The following RGS6 variants were observed in gnomAD, a reference collection of about 807,000 sequenced individuals.
The protein encoded by RGS6 is regulator of G protein signaling 6.
In RGS6, 30 loss-of-function variants were observed where a neutral mutation model predicts 78.5. That is an observed-to-expected ratio of 0.38 (90% CI 0.29 to 0.52). The LOEUF is 0.52. RGS6 is among the 20% of genes least tolerant of loss of function. The pLI is 0.85. For synonymous variants in RGS6, 206 were observed against 206.0 expected (o/e 1.00, Z 0.00); for missense variants, 495 against 609.7 (o/e 0.81, Z 1.98).
chr14:71,983,567 A>G (rs933218425), intron 2 of RGS6, among the ~76,000 whole-genome samples: 8 of 152,182 alleles, frequency 5.3e-5, no homozygotes, highest in Non-Finnish European at 8.8e-5. Context: ...TGCCTCTTCC[A>G]GGCTTTCTGT....
intron 3 of RGS6, among the ~76,000 whole-genome samples, chr14:72,361,083 C>CTTTTTTTTTTTTTT (rs56251149): frequency 7.2e-6 from 1 of 138,374 alleles, no homozygotes; most frequent in East Asian, 2.2e-4. Flanking sequence ...AATCAAACCT[C>CTTTTTTTTTTTTTT]TTTTTTTTTT....
At chr14:72,004,973 G>A (rs10047940) in intron 2 of RGS6, among the ~76,000 whole-genome samples, 3,170 of 152,296 alleles carry the variant, frequency 0.021, 126 homozygotes, top group African/African-American at 0.073. Flanking sequence ...CATAAAAAGC[G>A]AATGCCTTTT....
intron 2 of RGS6, among the ~76,000 whole-genome samples, chr14:72,104,269 G>A (rs2095587503): frequency 6.6e-6 from 1 of 152,034 alleles, no homozygotes; most frequent in Non-Finnish European, 1.5e-5. Context: ...TTTCCTCTCT[G>A]TCAAAACGAA....
chr14:71,907,997 G>A, the RGS6 span, among the ~76,000 whole-genome samples: 1 of 152,208 alleles, frequency 6.6e-6, no homozygotes, highest in African/African-American at 2.4e-5. Context: ...TCTTCAGGAT[G>A]AGCAGGCACT....
the RGS6 span, among the ~76,000 whole-genome samples, chr14:72,584,716 A>G: frequency 6.6e-6 from 1 of 152,246 alleles, no homozygotes; most frequent in African/African-American, 2.4e-5. Context: ...TGGGGAAGAC[A>G]GGGATTGACA....
At chr14:72,138,978 C>T (rs925691075) in intron 2 of RGS6, among the ~76,000 whole-genome samples, 5 of 152,286 alleles carry the variant, frequency 3.3e-5, no homozygotes, top group Admixed American at 3.3e-4. Flanking sequence ...AAGTCACCCC[C>T]ACCGACCCAC....
chr14:72,412,369 A>G (rs2093483493), intron 3 of RGS6, among the ~76,000 whole-genome samples: 1 of 152,134 alleles, frequency 6.6e-6, no homozygotes, highest in Admixed American at 6.5e-5. Flanking sequence ...CGTTTATAGT[A>G]TTCTCTGATG....
At chr14:72,024,881 TGTCCTATAGAAGGAG>T (rs558947962) in intron 2 of RGS6, among the ~76,000 whole-genome samples, 1 of 152,310 alleles carries the variant, frequency 6.6e-6, no homozygotes, top group East Asian at 1.9e-4. Context: ...TGTGAAGCAA[TGTCCTATAGAAGGAG>T]GACAGTTCAC....
At chr14:72,579,004 C>T in the RGS6 span, among the ~76,000 whole-genome samples, 1 of 152,268 alleles carries the variant, frequency 6.6e-6, no homozygotes, top group East Asian at 1.9e-4. Flanking sequence ...GAAAAAGTAT[C>T]AACCTGTGTA....
intron 13 of RGS6, among the ~76,000 whole-genome samples, chr14:72,501,704 G>C (rs576596906): frequency 1.3e-5 from 2 of 152,324 alleles, no homozygotes; most frequent in South Asian, 4.1e-4. Context: ...CTAGATGCTG[G>C]AGTCTAATGA....
chr14:72,013,323 T>TATAGTATTC (rs2086249093), intron 2 of RGS6, among the ~76,000 whole-genome samples: 1 of 140,716 alleles, frequency 7.1e-6, no homozygotes, highest in South Asian at 2.6e-4. Context: ...AAAGCATAGT[T>TATAGTATTC]ATAGTATTCA....
intron 2 of RGS6, among the ~76,000 whole-genome samples, chr14:72,059,126 C>T (rs2093765256): frequency 6.6e-6 from 1 of 152,284 alleles, no homozygotes; most frequent in East Asian, 1.9e-4. Flanking sequence ...TCTTGAACTC[C>T]TGATCTCAAG....
chr14:72,073,605 T>C (rs2094478815), intron 2 of RGS6, among the ~76,000 whole-genome samples: 1 of 152,140 alleles, frequency 6.6e-6, no homozygotes, highest in African/African-American at 2.4e-5. Flanking sequence ...TGGGACCACT[T>C]AGACATGCCA....
the RGS6 span, among the ~76,000 whole-genome samples, chr14:72,627,455 T>A: frequency 1.3e-5 from 2 of 152,098 alleles, no homozygotes; most frequent in Non-Finnish European, 2.9e-5. Flanking sequence ...TATACTGTAT[T>A]TCCATATGTA....
At chr14:72,560,905 G>A (rs1375993931) in intron 17 of RGS6, among the ~76,000 whole-genome samples, 4 of 151,688 alleles carry the variant, frequency 2.6e-5, no homozygotes, top group Non-Finnish European at 5.9e-5. Flanking sequence ...AAAGCAATGG[G>A]GAGGAAAAAG....
the RGS6 span, among the ~76,000 whole-genome samples, chr14:72,599,860 G>C: frequency 1.3e-5 from 2 of 152,062 alleles, 1 homozygote; most frequent in South Asian, 4.1e-4. Flanking sequence ...GCTCACACAG[G>C]CCTCGGGTTC....
At chr14:72,076,013 C>T (rs1277883690) in intron 2 of RGS6, among the ~76,000 whole-genome samples, 1 of 152,170 alleles carries the variant, frequency 6.6e-6, no homozygotes, top group African/African-American at 2.4e-5. Context: ...TTTTGTTTTC[C>T]AGACAATAAA....
chr14:71,957,152 C>A (rs1439159517), intron 1 of RGS6, among the ~76,000 whole-genome samples: 3 of 152,158 alleles, frequency 2.0e-5, no homozygotes, highest in Non-Finnish European at 4.4e-5. Flanking sequence ...AGGTCTTTGA[C>A]TCTGATGTTA....
At chr14:72,411,184 G>A (rs1391055166) in intron 3 of RGS6, among the ~76,000 whole-genome samples, 6 of 152,118 alleles carry the variant, frequency 3.9e-5, no homozygotes, top group African/African-American at 7.2e-5. Context: ...TCACGATATT[G>A]ATTCTTCCTA....
Sources: allele counts gnomAD v4.1 joint callset (sites outside exome capture counted in the v4.1 genomes callset), GRCh38; gene constraint gnomAD v4.1.1; transcripts MANE v1.5; gene names NCBI Gene and HGNC (gene_info 2026-07-23, HGNC 2026-07-21).